OPLAH: variants seen among roughly 807,000 people sequenced by gnomAD.
The protein encoded by OPLAH is 5-oxoprolinase, ATP-hydrolysing, also known as 5-oxoprolinase.
Under a neutral mutation model 122.8 loss-of-function variants are expected in OPLAH, and 103 were observed. The ratio of observed to expected loss-of-function variants is 0.84; its 90% CI spans 0.71 to 0.99. The LOEUF (loss-of-function observed/expected upper bound fraction) is 0.99, where lower values mean the gene tolerates loss of function less well. Among genes scored for constraint, OPLAH ranks in the 50% least tolerant of loss-of-function variants. The pLI is 0.00. For synonymous variants in OPLAH, 875 were observed against 796.0 expected (o/e 1.10, Z -1.67); for missense variants, 1,902 against 1,836.5 (o/e 1.04, Z -0.65).
chr8:144,059,965 G>C lies in OPLAH; in HGVS notation c.68C>G (p.Ala23Gly), dbSNP rs1835629115. 1.9e-6 allele frequency: 3 copies of C among 1,612,794 alleles called. No homozygotes were observed. Among genetic ancestry groups the C allele is most frequent in the Non-Finnish European group, 2.5e-6 (3 of 1,179,840 alleles). ...CCGCACGTGCCCCCCTGGGCACTGG[G>C]CAAAGACGTCTGTGAAGGTACCCCC... ...DRGGTFTDVF[A>G]QCPGGHVRVL... The change falls in exon 2 of 27, where the codon GCC becomes GGC. Residue 23 changes from alanine to glycine, a missense_variant. This residue lies in a region of OPLAH where 168 missense variants were observed against 170.6 expected (regional missense o/e 0.98). Coordinates refer to ENST00000618853, the MANE Select transcript of OPLAH (RefSeq NM_017570.5).
At position 144,059,451 on chromosome 8, in the gene OPLAH, G is replaced by A. The variant is rs868948855; in HGVS notation, c.363+148C>T. On this transcript the variant is annotated intron_variant, in intron 3 of 26. Transcript: ENST00000618853. ...CCACTCCGAGGGCTAGGAGAACTTG[G>A]GGTCCCACTGGGAATTCGGGAGCTT... 82 of 855,260 alleles carry A rather than the reference G, an allele frequency of 9.6e-5. No individual in the cohort carries two copies. In the Middle Eastern group the frequency reaches 2.8e-3, roughly 29 times the overall value. 53.0% of individuals were successfully genotyped at this position (855,260 alleles called of 1,614,324 possible).
intron 8 of OPLAH, 31 bp from the exon 9 acceptor site, chr8:144,057,954 G>T: frequency 6.2e-7 from 1 of 1,611,874 alleles, no homozygotes; most frequent in African/African-American, 1.3e-5. Flanking sequence ...GGTTGGAGTT[G>T]GACACGAGGA....
At position 144,059,113 on chromosome 8, in the gene OPLAH, G is replaced by A. The variant is rs781875541; in HGVS notation, c.364-34C>T. The A allele has an allele frequency of 1.3e-5, 19 of 1,515,182 alleles. No homozygotes were observed. In the African/African-American group the frequency reaches 1.9e-4, roughly 15 times the overall value. The allele number at this position is 1,515,182 out of a possible 1,614,324, so 93.9% of individuals were successfully genotyped here. A position where few individuals can be genotyped will look rare whatever the true frequency, so the allele number is the denominator to read the frequency against. On this transcript the variant is annotated intron_variant, in intron 3 of 26. Transcript: ENST00000618853. ...GGGCAGAGACTCAGAAGAGGCCCAG[G>A]CCTGAGGGTCCAGGCCGGGGTCCTG...
At position 144,052,187 on chromosome 8, in the gene OPLAH, G is replaced by T; in HGVS notation, c.3443C>A (p.Pro1148His). 6.3e-7 allele frequency: 1 copy of T among 1,578,468 alleles called. No homozygotes were observed. Among genetic ancestry groups the T allele is most frequent in the East Asian group, 2.3e-5 (1 of 43,722 alleles). The change falls in exon 24 of 27, where the codon CCT becomes CAT. Residue 1148 changes from proline (P) to histidine (H), a missense_variant. By Grantham distance (77) the Pro-to-His change is moderately conservative. This residue lies in a region of OPLAH where 1,726 missense variants were observed against 1,642.1 expected (regional missense o/e 1.05). Coordinates refer to ENST00000618853, the MANE Select transcript of OPLAH (RefSeq NM_017570.5). ...CGCTCACCGGCTCTCCAGGATCTCAGGGTCGGTGATGCGTGTGTTGGTCAT... is the reference window on the plus strand; with the variant it reads ...CGCTCACCGGCTCTCCAGGATCTCATGGTCGGTGATGCGTGTGTTGGTCAT... ...SHMTNTRITD[P>H]EILESRYPVI... is the part of the protein sequence containing the mutation.
At position 144,055,891 on chromosome 8, in the gene OPLAH, C is replaced by T. The variant is rs1454964234; in HGVS notation, c.2145G>A (p.Gly715=). 4 of 1,587,236 alleles carry T rather than the reference C, an allele frequency of 2.5e-6. No homozygotes were observed. The African/African-American group carries it at 5.4e-5, about 21-fold the overall frequency. ...PGCQAEVTKT[G]DICISVGAEV... is the part of the protein sequence containing the mutation. ...CGGCCCCCACGGAGATGCAGATGTC[C>T]CCTGTCTTGGTCACCTCTGCCTGGC... Residue 715 remains glycine, a synonymous_variant, in exon 16 of 27, where the codon GGG becomes GGA. Transcript: ENST00000618853. The surrounding 1 kb of genome is among the most constrained non-coding windows in gnomAD (Gnocchi z 6.5).
rs2129816053 is a variant in OPLAH, at chr8:144,057,547, C to T, written c.1323G>A (p.Gly441=). 2 of 1,590,338 alleles carry T rather than the reference C, an allele frequency of 1.3e-6. No individual in the cohort carries two copies. Among genetic ancestry groups the T allele is most frequent in the East Asian group, 2.2e-5 (1 of 44,592 alleles). The change falls in exon 10 of 27, where the codon GGG becomes GGA. Residue 441 remains glycine (G), a synonymous_variant. Transcript: ENST00000618853. ...GGCTCAGCGGGGAGGCCGGGCAGGG[C>T]CCGTTGGTCAGGAAGCTGTTGACCT... is the stretch of plus-strand genomic sequence containing the variant. ...ATEVNSFLTN[G]PCPASPLSLE...
In OPLAH at chr8:144,051,933, C is replaced by T. The variant is rs1554757761; in HGVS notation, c.3605G>A (p.Arg1202Gln). 1 of 1,540,006 alleles carries T rather than the reference C, an allele frequency of 6.5e-7. No individual in the cohort carries two copies. The highest frequency in any genetic ancestry group is 2.0e-5 in the Admixed American group (1 of 51,252). Residue 1202 changes from arginine (R) to glutamine (Q), a missense_variant, in exon 25 of 27, where the codon CGG becomes CAG. Physicochemically the swap from Arg to Gln is conservative, Grantham distance 43. This residue lies in a region of OPLAH where 1,726 missense variants were observed against 1,642.1 expected (regional missense o/e 1.05). Coordinates refer to ENST00000618853, the MANE Select transcript of OPLAH (RefSeq NM_017570.5). ...LSVLTERRAF[R>Q]PYGLHGGEPG... ...CCGCGCACCGTGGAGCCCGTATGGC[C>T]GGAAGGCGCGGCGCTCGGTCAGCAC...
rs1554758556 is a variant in OPLAH at position 144,054,834 on chromosome 8, G to C, written c.2489C>G (p.Pro830Arg). 1 of 1,612,270 alleles carries C rather than the reference G, an allele frequency of 6.2e-7. No individual in the cohort carries two copies. The highest frequency in any genetic ancestry group is 2.2e-5 in the East Asian group (1 of 44,872). Reference sequence around the variant, plus strand: ...CACCGGTGTGATAACAGTCAGGTCTGGCAGGTGGCTGCCCCCGGCACTGGG... The same window carrying C: ...CACCGGTGTGATAACAGTCAGGTCTCGCAGGTGGCTGCCCCCGGCACTGGG... The part of the protein sequence containing the change: ...NHPSAGGSHL[P>R]DLTVITPVFW... The change falls in exon 18 of 27, where the codon CCA (proline) becomes CGA (arginine). Residue 830 changes from proline (P) to arginine (R), a missense_variant. Around this residue, in one of 3 missense-constraint regions of OPLAH, gnomAD observed 1,726 missense variants for 1,642.1 expected, o/e 1.05. Transcript: ENST00000618853.
At chr8:144,051,202 C>A (rs1554757544), downstream of OPLAH, 1 of 1,493,006 alleles carries the variant, frequency 6.7e-7, no homozygotes, top group Non-Finnish European at 8.9e-7. Context: ...TCAGTGTCCT[C>A]CTAAGGCAAG....
At chr8:144,056,570 A>C in intron 13 of OPLAH, 47 bp from the exon 14 acceptor site, 1 of 1,612,328 alleles carries the variant, frequency 6.2e-7, no homozygotes, top group East Asian at 2.2e-5. Flanking sequence ...TGAGGCGGCC[A>C]GACAGGAGGG....
intron 12 of OPLAH, 31 bp downstream of exon 12, chr8:144,056,917 G>GC: frequency 6.5e-7 from 1 of 1,550,004 alleles, no homozygotes; most frequent in Non-Finnish European, 8.7e-7. Flanking sequence ...GACAACGTAA[G>GC]CCCTCTGTCC....
At chr8:144,053,582 C>T (rs150418752) in intron 19 of OPLAH, among the ~76,000 whole-genome samples, 189 bp from the exon 20 acceptor site, 253 of 152,248 alleles carry the variant, frequency 1.7e-3, no homozygotes, top group African/African-American at 5.8e-3. Flanking sequence ...AGCCACAAGG[C>T]CCTCTGCAGT....
rs549502677 is a variant in OPLAH, at chr8:144,058,345, G to C, written c.843C>G (p.Ser281Arg). 154 of 1,597,346 alleles carry C rather than the reference G, an allele frequency of 9.6e-5. 2 individuals are homozygous for C. In the South Asian group the frequency reaches 1.7e-3, roughly 17 times the overall value. Residue 281 changes from serine (S) to arginine (R), a missense_variant, in exon 7 of 27, where the codon AGC becomes AGG. This residue lies in a region of OPLAH where 1,726 missense variants were observed against 1,642.1 expected (regional missense o/e 1.05). Coordinates refer to ENST00000618853, the MANE Select transcript of OPLAH (RefSeq NM_017570.5). ...GGCCCGAGAGCACAGCACTGGAGCC[G>C]CTGAAGGTGTCCATGGGCGCCAGGC... is the stretch of plus-strand genomic sequence containing the variant. ...DGGLAPMDTFSGSSAVLSGPA... is the reference protein window; with the variant it reads ...DGGLAPMDTFRGSSAVLSGPA...
rs782175303 is a variant in OPLAH, at chr8:144,051,748, G to T, written c.3701C>A (p.Ser1234Ter). The change falls in exon 26 of 27, where the codon TCG becomes TAG. Residue 1234 changes from serine to a stop codon, truncating the protein, a stop_gained. Coordinates refer to ENST00000618853, the MANE Select transcript of OPLAH (RefSeq NM_017570.5). LOFTEE classifies it high-confidence loss of function. ...GRTVNLGGKT[S>*]VTVYPGDVFC... ...CCTTACCCCGGGGTACACGGTCACCGACGTCTTGCCGCCCAGATTCACCGT... is the reference window on the plus strand; with the variant it reads ...CCTTACCCCGGGGTACACGGTCACCTACGTCTTGCCGCCCAGATTCACCGT... 21 of 1,605,722 alleles carry T rather than the reference G, an allele frequency of 1.3e-5. No homozygotes were observed. The highest frequency in any genetic ancestry group is 1.8e-5 in the Non-Finnish European group (21 of 1,178,050).
In OPLAH at chr8:144,058,807, G is replaced by A. The variant is rs781820857; in HGVS notation, c.553C>T (p.Arg185Cys). ...KLEGLLSRGI[R>C]SLAVVLMHSY... Reference sequence around the variant, plus strand: ...TGCATGAGCACCACAGCCAGGCTGCGGATGCCTCGAGATAGCAGCCCCTCC... The same window carrying A: ...TGCATGAGCACCACAGCCAGGCTGCAGATGCCTCGAGATAGCAGCCCCTCC... The change falls in exon 5 of 27, where the codon CGC becomes TGC. Residue 185 changes from arginine to cysteine, a missense_variant. Transcript: ENST00000618853. The A allele has an allele frequency of 1.0e-4, 163 of 1,601,454 alleles. No homozygotes were observed. The highest frequency in any genetic ancestry group is 2.3e-4 in the South Asian group (21 of 89,398).
At chr8:144,061,740 C>T (rs183317831), upstream of OPLAH, among the ~76,000 whole-genome samples, 3 of 152,188 alleles carry the variant, frequency 2.0e-5, no homozygotes, top group Admixed American at 1.3e-4. Context: ...AATGGGCAAC[C>T]GGCCTGGCAC....
chr8:144,051,649 T>C, intron 26 of OPLAH, 80 bp downstream of exon 26: 1 of 1,282,130 alleles, frequency 7.8e-7, no homozygotes, highest in African/African-American at 1.5e-5. Context: ...TCTGGTCAGG[T>C]CTGCAACTGT....
In OPLAH at chr8:144,055,962, G is replaced by A. The variant is rs1554758911; in HGVS notation, c.2097-23C>T. 7 of 1,540,054 alleles carry A rather than the reference G, an allele frequency of 4.5e-6. No individual in the cohort carries two copies. In the South Asian group the frequency reaches 6.1e-5, roughly 13 times the overall value. ...GTGCTGGGGAGCAGAGGGCACAGAG[G>A]GCTGCATGGGGCCAGGCGACACCCC... On this transcript the variant is annotated intron_variant, in intron 15 of 26. Transcript: ENST00000618853. This position sits in a 1 kb window ranked among gnomAD's most constrained non-coding sequence, Gnocchi z 6.5.
Position 144,053,108 on chromosome 8 carries a change from G to C in OPLAH, c.2893C>G (p.Arg965Gly), listed in dbSNP as rs373732666. 5.6e-6 allele frequency: 9 copies of C among 1,606,172 alleles called. No homozygotes were observed. In the African/African-American group the frequency reaches 8.0e-5, roughly 14 times the overall value. The change falls in exon 21 of 27, where the codon CGA (arginine) becomes GGA (glycine). Residue 965 changes from arginine to glycine, a missense_variant. Physicochemically the swap from Arg to Gly is moderately radical, Grantham distance 125. Transcript: ENST00000618853. ...HIQANAELAV[R>G]DMLRAFGTSR... ...GTTCCAAAGGCACGCAACATGTCTC[G>C]CACGGCCAGCTCAGCGTTTGCCTGG... is the stretch of plus-strand genomic sequence containing the variant.
Sources: gnomAD v4.1 joint callset for allele counts (sites outside exome capture counted in the v4.1 genomes callset) on GRCh38, gnomAD v4.1.1 for gene constraint, gnomAD v4.1.1 regional missense constraint, Gnocchi (gnomAD v3.1) non-coding constraint, MANE v1.5 for transcripts, NCBI Gene and HGNC (gene_info 2026-07-23, HGNC 2026-07-21) for gene names.